The following AVEN variants were observed in gnomAD, a reference collection of about 807,000 sequenced individuals.
AVEN encodes the protein apoptosis and caspase activation inhibitor.
Under a neutral mutation model 38.1 loss-of-function variants are expected in AVEN, and 41 were observed. That is an observed-to-expected ratio of 1.08 (90% confidence interval 0.84 to 1.40). The LOEUF is 1.40. Ranked by LOEUF, AVEN falls within the 40% of genes most tolerant of loss-of-function variation. The pLI is 0.00. For missense variants in AVEN, 605 were observed against 438.8 expected (o/e 1.38, Z -3.38); for synonymous variants, 206 against 171.8 (o/e 1.20, Z -1.56).
At chr15:33,902,144 C>A (rs1434000343) in intron 2 of AVEN, among the ~76,000 whole-genome samples, 1 of 71,306 alleles carries the variant, frequency 1.4e-5, no homozygotes, top group Non-Finnish European at 3.5e-5. Flanking sequence ...TTATTTGCAT[C>A]CTCTTTATTT....
At chr15:33,896,980 G>C (rs1315404498) in intron 2 of AVEN, among the ~76,000 whole-genome samples, 1 of 152,148 alleles carries the variant, frequency 6.6e-6, no homozygotes, top group Non-Finnish European at 1.5e-5. Context: ...AGCTGAATGA[G>C]TAGTAAAAAG....
At chr15:33,903,888 GC>G (rs1187569557) in intron 2 of AVEN, among the ~76,000 whole-genome samples, 1 of 152,100 alleles carries the variant, frequency 6.6e-6, no homozygotes, top group Non-Finnish European at 1.5e-5. Flanking sequence ...GCCTACCTAG[GC>G]TACATGGTGT....
chr15:33,994,092 C>T (rs577230058), intron 2 of AVEN, among the ~76,000 whole-genome samples: 4 of 152,214 alleles, frequency 2.6e-5, no homozygotes, highest in Admixed American at 6.5e-5. Flanking sequence ...GGATCAGTAC[C>T]GGTCTGTGGC....
chr15:33,929,739 A>C (rs2153050303), intron 2 of AVEN, among the ~76,000 whole-genome samples: 1 of 152,306 alleles, frequency 6.6e-6, no homozygotes, highest in South Asian at 2.1e-4. Flanking sequence ...CTTTTAACAA[A>C]TGTCAATTTA....
rs1306380462 is a variant in AVEN, at chr15:33,875,918, A to G, written c.516+7T>C. The stretch of plus-strand genomic sequence containing the variant: ...CCAGTCCACACTTAACACAACTCTT[A>G]TCTTACCTGTTTTGGACAAGAAGCT... On this transcript the variant is annotated splice_region_variant and intron_variant, in intron 3 of 5. Transcript: ENST00000306730. 3 of 1,612,568 alleles carry G rather than the reference A, an allele frequency of 1.9e-6. No individual in the cohort carries two copies. The highest frequency in any genetic ancestry group is 2.2e-5 in the East Asian group (1 of 44,852).
Position 33,917,522 on chromosome 15 carries a change from C to CGT in AVEN, c.446-41529_446-41528dup, listed in dbSNP as rs1160874716. Among the ~76,000 whole-genome samples, 6 of 118,384 alleles carry CGT rather than the reference C, an allele frequency of 5.1e-5. No individual in the cohort carries two copies. The East Asian group carries it at 1.0e-3, about 21-fold the overall frequency. The allele number at this position is 118,384 out of a possible 152,430, so 77.7% of individuals were successfully genotyped here. A position where few individuals can be genotyped will look rare whatever the true frequency, so the allele number is the denominator to read the frequency against. ...ACACACGGAATAATTCACACACATA[C>CGT]GTGTATATATATATATATATCAATC... is the stretch of plus-strand genomic sequence containing the variant. On this transcript the variant is annotated intron_variant, in intron 2 of 5. Coordinates refer to ENST00000306730, the MANE Select transcript of AVEN (RefSeq NM_020371.3).
intron 1 of AVEN, among the ~76,000 whole-genome samples, chr15:34,008,954 GCACACACA>G (rs57211791): frequency 0.011 from 1,089 of 103,200 alleles, 15 homozygotes; most frequent in African/African-American, 0.027. Context: ...GTGCGCGCGC[GCACACACA>G]CACACACACA....
chr15:33,938,717 T>C (rs1015941414), intron 2 of AVEN, among the ~76,000 whole-genome samples: 2 of 152,214 alleles, frequency 1.3e-5, no homozygotes, highest in African/African-American at 2.4e-5. Context: ...GAGAATGCAT[T>C]AGTTATGTAA....
At chr15:33,890,518 G>A (rs1336012363) in intron 2 of AVEN, among the ~76,000 whole-genome samples, 1 of 152,094 alleles carries the variant, frequency 6.6e-6, no homozygotes, top group Non-Finnish European at 1.5e-5. Flanking sequence ...AATAAGGGGG[G>A]AAATCATGTT....
At chr15:34,015,040 G>GA (rs1490106744) in intron 1 of AVEN, among the ~76,000 whole-genome samples, 1 of 152,146 alleles carries the variant, frequency 6.6e-6, no homozygotes, top group East Asian at 1.9e-4. Flanking sequence ...CCTGAAGCCT[G>GA]AAAAGCTGTC....
chr15:34,016,938 G>A (rs1017464624), intron 1 of AVEN, among the ~76,000 whole-genome samples: 12 of 151,962 alleles, frequency 7.9e-5, no homozygotes, highest in Admixed American at 3.3e-4. Flanking sequence ...AGATCAGCCC[G>A]GACAACATGG....
chr15:34,071,333 G>A (rs1389330336), intron 1 of AVEN, among the ~76,000 whole-genome samples: 1 of 152,142 alleles, frequency 6.6e-6, no homozygotes, highest in African/African-American at 2.4e-5. Flanking sequence ...GTCACCTAGA[G>A]TGGAGTGCAA....
chr15:33,880,895 G>C (rs116720580), intron 2 of AVEN, among the ~76,000 whole-genome samples: 1 of 151,862 alleles, frequency 6.6e-6, no homozygotes, highest in Admixed American at 6.6e-5. Flanking sequence ...ATCCATGAAG[G>C]CATCTTTGAT....
At chr15:33,930,341 C>CAAAAAAAAA (rs10610430) in intron 2 of AVEN, among the ~76,000 whole-genome samples, 1 of 141,420 alleles carries the variant, frequency 7.1e-6, no homozygotes, top group Non-Finnish European at 1.6e-5. Context: ...CCATCTAGGA[C>CAAAAAAAAA]AAAAAAAAAA....
intron 2 of AVEN, among the ~76,000 whole-genome samples, chr15:34,069,058 G>A (rs549292978): frequency 4.0e-5 from 6 of 150,400 alleles, no homozygotes; most frequent in Admixed American, 6.6e-5. Context: ...TGATCCACCC[G>A]CCTCGGCCTC....
chr15:33,982,798 TTCTCTC>T (rs58340239), intron 2 of AVEN, among the ~76,000 whole-genome samples: 4 of 150,460 alleles, frequency 2.7e-5, no homozygotes, highest in African/African-American at 7.3e-5. Context: ...ATCAACCACA[TTCTCTC>T]TCTCTCTCTG....
chr15:34,036,786 C>A (rs956260981), intron 1 of AVEN, among the ~76,000 whole-genome samples: 3 of 152,100 alleles, frequency 2.0e-5, no homozygotes, highest in Non-Finnish European at 4.4e-5. Context: ...TTTTTAAAGT[C>A]TTGTATTATT....
chr15:33,863,054 A>G (rs1567365164), downstream of AVEN, among the ~76,000 whole-genome samples: 1 of 150,632 alleles, frequency 6.6e-6, no homozygotes. Context: ...CATGGGTTAT[A>G]GACCAGTGGA....
Position 33,956,979 on chromosome 15 carries a change from T to C in AVEN, c.445+46053A>G, listed in dbSNP as rs143882163. 5.8e-3 allele frequency among the ~76,000 whole-genome samples: 881 copies of C among 152,332 alleles called. 6 individuals are homozygous for C. The highest frequency in any genetic ancestry group is 0.02 in the African/African-American group (843 of 41,574). ...TTGGGTTTTTTGGTTTATGTCCTCA[T>C]TGTCTGATATTTAGAATTTCTGGAA... is the stretch of plus-strand genomic sequence containing the variant. On this transcript the variant is annotated intron_variant, in intron 2 of 5. Transcript: ENST00000306730.
Sources: gnomAD v4.1 joint callset for allele counts (sites outside exome capture counted in the v4.1 genomes callset) on GRCh38, gnomAD v4.1.1 for gene constraint, MANE v1.5 for transcripts, NCBI Gene and HGNC (gene_info 2026-07-23, HGNC 2026-07-21) for gene names.